TIAM2: variants seen among roughly 807,000 people sequenced by gnomAD.
The protein encoded by TIAM2 is TIAM Rac1 associated GEF 2.
TIAM2 carries 80 observed loss-of-function variants against 152.9 expected under a neutral mutation model. The observed-to-expected ratio is 0.52, with a 90% CI of 0.44 to 0.63. The LOEUF (loss-of-function observed/expected upper bound fraction) is 0.63. Among genes scored for constraint, TIAM2 ranks in the 30% least tolerant of loss-of-function variants. The pLI, the probability that TIAM2 is intolerant of heterozygous loss-of-function variation, is 0.00. For synonymous variants in TIAM2, 804 were observed against 838.0 expected (o/e 0.96, Z 0.70); for missense variants, 1,965 against 2,120.1 (o/e 0.93, Z 1.44).
chr6:155,129,701 C>T lies in TIAM2; in HGVS notation c.478C>T (p.Arg160Ter), dbSNP rs1224048048. The change falls in exon 4 of 27, where the codon CGA (arginine) becomes TGA (stop). Residue 160 changes from arginine (R) to a stop codon, truncating the protein, a stop_gained. Transcript: ENST00000682666. LOFTEE classifies it high-confidence loss of function. The surrounding 1 kb of genome is among the most constrained non-coding windows in gnomAD (Gnocchi z 4.8). ...ACCGGGCGAAGACCGCAAGAGCCCC[C>T]GAGTGCTCATCAAAACGCTGGGGAA... ...TPPGEDRKSP[R>*]VLIKTLGKLD... 2.5e-6 allele frequency: 4 copies of T among 1,613,940 alleles called. No homozygotes were observed. The highest frequency in any genetic ancestry group is 2.2e-5 in the East Asian group (1 of 44,882).
chr6:155,001,937 C>A (rs1562286348), intron 1 of TIAM2, among the ~76,000 whole-genome samples: 1 of 152,014 alleles, frequency 6.6e-6, no homozygotes, highest in Admixed American at 6.6e-5. Context: ...ATTCTCATTG[C>A]TTTTAAAATA....
At chr6:155,175,803 T>C (rs1780747489) in intron 9 of TIAM2, among the ~76,000 whole-genome samples, 1 of 152,236 alleles carries the variant, frequency 6.6e-6, no homozygotes, top group Non-Finnish European at 1.5e-5. Context: ...TCAGCAATTG[T>C]TGTGATGATG....
intron 1 of TIAM2, among the ~76,000 whole-genome samples, chr6:155,064,532 A>G (rs1032165326): frequency 2.0e-5 from 3 of 152,208 alleles, no homozygotes; most frequent in African/African-American, 7.2e-5. Context: ...GAGAAGTGTG[A>G]GAGCCACCCG....
intron 1 of TIAM2, among the ~76,000 whole-genome samples, chr6:155,040,519 T>TTTG (rs919990804): frequency 3.9e-5 from 6 of 152,010 alleles, no homozygotes; most frequent in African/African-American, 1.2e-4. Flanking sequence ...ATTCTTTTTT[T>TTTG]TTGTTGTTGT....
chr6:155,148,005 G>T lies in TIAM2; in HGVS notation c.1804-105G>T, dbSNP rs181768464. On this transcript the variant is annotated intron_variant, in intron 6 of 26. Transcript: ENST00000682666. Reference sequence around the variant, plus strand: ...TGAAATTAAGCAGCTTGTATGCAGTGCAAGTACTTCTTGGGTTTTGTACAT... The same window carrying T: ...TGAAATTAAGCAGCTTGTATGCAGTTCAAGTACTTCTTGGGTTTTGTACAT... 6.3e-6 allele frequency: 7 copies of T among 1,105,562 alleles called. No individual in the cohort carries two copies. The East Asian group carries it at 1.7e-4, about 26-fold the overall frequency. The allele number at this position is 1,105,562 out of a possible 1,614,324, so 68.5% of individuals were successfully genotyped here.
chr6:155,134,602 G>T (rs1779516947), intron 4 of TIAM2, among the ~76,000 whole-genome samples: 1 of 152,140 alleles, frequency 6.6e-6, no homozygotes. Flanking sequence ...GGTAATTCCA[G>T]TGTTTTTGGG....
intron 15 of TIAM2, among the ~76,000 whole-genome samples, 159 bp downstream of exon 15, chr6:155,211,466 A>T (rs578209248): frequency 3.3e-5 from 5 of 151,942 alleles, no homozygotes; most frequent in South Asian, 2.1e-4. Flanking sequence ...TTCCTTATTT[A>T]TGTATTTTTT....
At chr6:155,112,365 T>A (rs1198704497) in intron 2 of TIAM2, among the ~76,000 whole-genome samples, 1 of 152,052 alleles carries the variant, frequency 6.6e-6, no homozygotes, top group Non-Finnish European at 1.5e-5. Flanking sequence ...CCTCAGGTGA[T>A]CTGCCCGCCT....
chr6:155,121,521 C>T (rs5028924), intron 2 of TIAM2, among the ~76,000 whole-genome samples: 2,886 of 152,270 alleles, frequency 0.019, 143 homozygotes, highest in Admixed American at 0.12. Context: ...GGGCTTAACC[C>T]GAGTTCGCTG....
chr6:155,011,740 C>G (rs75249050), intron 1 of TIAM2, among the ~76,000 whole-genome samples: 2,053 of 152,306 alleles, frequency 0.013, 58 homozygotes, highest in African/African-American at 0.047. Context: ...CCAGTCAACT[C>G]TCTTATGGGG....
intron 1 of TIAM2, among the ~76,000 whole-genome samples, chr6:155,045,577 G>A (rs1442139311): frequency 6.6e-6 from 1 of 152,124 alleles, no homozygotes; most frequent in Non-Finnish European, 1.5e-5. Context: ...ATTTTAGGTG[G>A]TTGGTTTGTT....
chr6:155,243,645 G>A (rs1048183658), intron 16 of TIAM2, among the ~76,000 whole-genome samples: 1 of 151,898 alleles, frequency 6.6e-6, no homozygotes, highest in African/African-American at 2.4e-5. Flanking sequence ...TCAGGAGTTC[G>A]AGACCAGCCT....
At chr6:155,003,774 G>A (rs956326519) in intron 1 of TIAM2, among the ~76,000 whole-genome samples, 6 of 152,186 alleles carry the variant, frequency 3.9e-5, no homozygotes, top group Non-Finnish European at 7.3e-5. Context: ...CAGCTGCCAC[G>A]GTGGGGCAGG....
intron 21 of TIAM2, chr6:155,250,665 T>C: frequency 6.6e-7 from 1 of 1,514,004 alleles, no homozygotes; most frequent in South Asian, 1.2e-5. Context: ...TCACAAGGCA[T>C]GTCTCACCTA....
intron 8 of TIAM2, among the ~76,000 whole-genome samples, chr6:155,165,047 C>T (rs1018704268): frequency 2.6e-5 from 4 of 152,130 alleles, no homozygotes; most frequent in Non-Finnish European, 5.9e-5. Flanking sequence ...GTTTTGCTGA[C>T]GCTGCTGCCC....
At chr6:155,074,811 G>A (rs867705936) in intron 1 of TIAM2, among the ~76,000 whole-genome samples, 44 of 135,658 alleles carry the variant, frequency 3.2e-4, no homozygotes, top group African/African-American at 4.3e-4. Flanking sequence ...TTGAAATAGC[G>A]TTAGAACCTC....
intron 2 of TIAM2, among the ~76,000 whole-genome samples, chr6:155,115,700 G>T (rs1778990815): frequency 6.6e-6 from 1 of 152,122 alleles, no homozygotes; most frequent in South Asian, 2.1e-4. Context: ...AAATATCCAG[G>T]TTTGATTCCT....
rs1347358933 is a variant in TIAM2 at position 155,174,803 on chromosome 6, T to G, written c.2362-2013T>G. Among the ~76,000 whole-genome samples, 4 of 152,234 alleles carry G rather than the reference T, an allele frequency of 2.6e-5. No individual in the cohort carries two copies. ...TTACGTTCTTCCTGATCTCCAAAAG[T>G]GCAGCAGTAAATTAATTGCTCTGTC... is the stretch of plus-strand genomic sequence containing the variant. On this transcript the variant is annotated intron_variant, in intron 9 of 26. Transcript: ENST00000682666. This position sits in a 1 kb window ranked among gnomAD's most constrained non-coding sequence, Gnocchi z 4.2.
chr6:155,031,679 A>G (rs6903009), intron 1 of TIAM2, among the ~76,000 whole-genome samples: 60,491 of 152,002 alleles, frequency 0.4, 12,611 homozygotes, highest in African/African-American at 0.52. Flanking sequence ...AGGTGAGATC[A>G]CACCATTGCA....
Sources: allele counts gnomAD v4.1 joint callset (sites outside exome capture counted in the v4.1 genomes callset), GRCh38; gene constraint gnomAD v4.1.1; non-coding constraint Gnocchi (gnomAD v3.1); transcripts MANE v1.5; gene names NCBI Gene and HGNC (gene_info 2026-07-23, HGNC 2026-07-21).